The following PTPRN2 variants were observed in gnomAD, a reference collection of about 807,000 sequenced individuals.
PTPRN2 encodes receptor-type tyrosine-protein phosphatase N2.
Under a neutral mutation model 118.8 loss-of-function variants are expected in PTPRN2, and 74 were observed. That is an observed-to-expected ratio of 0.62 (90% CI 0.52 to 0.76). The LOEUF is 0.76. Among genes scored for constraint, PTPRN2 ranks in the 30% least tolerant of loss-of-function variants. The pLI is 0.00. For synonymous variants in PTPRN2, 641 were observed against 608.0 expected (o/e 1.05, Z -0.80); for missense variants, 1,481 against 1,394.4 (o/e 1.06, Z -0.99).
chr7:157,631,853 G>C (rs1461212264), intron 14 of PTPRN2, among the ~76,000 whole-genome samples: 1 of 150,884 alleles, frequency 6.6e-6, no homozygotes, highest in East Asian at 1.9e-4. Context: ...AAAAAAGAGA[G>C]AATTAAGAAT....
chr7:157,715,272 C>T (rs1473196647), intron 12 of PTPRN2, among the ~76,000 whole-genome samples: 1 of 152,150 alleles, frequency 6.6e-6, no homozygotes, highest in African/African-American at 2.4e-5. Flanking sequence ...TGAATGAGGC[C>T]CAGGGAGTGT....
At chr7:158,113,772 G>A (rs1182390962) in intron 9 of PTPRN2, among the ~76,000 whole-genome samples, 2 of 135,980 alleles carry the variant, frequency 1.5e-5, no homozygotes, top group Non-Finnish European at 3.5e-5. Context: ...TGATGGCGTC[G>A]ACGCTACAAG....
intron 5 of PTPRN2, among the ~76,000 whole-genome samples, chr7:158,168,632 G>T (rs1823248448): frequency 6.6e-6 from 1 of 152,200 alleles, no homozygotes; most frequent in Non-Finnish European, 1.5e-5. Context: ...GTGTGCTGCA[G>T]CAGGGAAGAT....
rs184146179 is a variant in PTPRN2 at position 158,125,246 on chromosome 7, C to T, written c.1556+8431G>A. The stretch of plus-strand genomic sequence containing the variant: ...CAGGGCTGCCCCCCTGTCTCGAGTC[C>T]CTCCCAGGGCCACCTCCCTGCCTCA... On this transcript the variant is annotated intron_variant, in intron 9 of 22. Transcript: ENST00000389418. 6.0e-4 allele frequency among the ~76,000 whole-genome samples: 90 copies of T among 150,674 alleles called. 1 individual carries two copies. In the East Asian group the frequency reaches 0.017, roughly 28 times the overall value.
intron 1 of PTPRN2, 40 bp downstream of exon 1, chr7:158,587,518 A>G: frequency 1.0e-6 from 1 of 991,700 alleles, no homozygotes; most frequent in South Asian, 3.9e-5. Flanking sequence ...GCCCCCAACT[A>G]ATTCATTGAG....
chr7:157,735,889 G>C (rs559862682), intron 12 of PTPRN2, among the ~76,000 whole-genome samples: 1 of 152,174 alleles, frequency 6.6e-6, no homozygotes, highest in East Asian at 1.9e-4. Context: ...GATAGCGATC[G>C]GCACATGCCT....
intron 9 of PTPRN2, among the ~76,000 whole-genome samples, chr7:158,131,332 T>TACAC (rs56215574): frequency 0.66 from 97,715 of 147,456 alleles, 33,483 homozygotes; most frequent in African/African-American, 0.82. Context: ...TACACACTCA[T>TACAC]ACACATGCAC....
chr7:158,171,750 A>G (rs541221308), intron 5 of PTPRN2, among the ~76,000 whole-genome samples: 1 of 152,278 alleles, frequency 6.6e-6, no homozygotes, highest in Non-Finnish European at 1.5e-5. Flanking sequence ...TCTGAGTTTA[A>G]AATTCTGTGA....
chr7:158,531,533 A>T (rs751218414), intron 1 of PTPRN2, among the ~76,000 whole-genome samples: 3 of 152,244 alleles, frequency 2.0e-5, no homozygotes, highest in Non-Finnish European at 4.4e-5. Context: ...TGGGGAAGGC[A>T]CCATGAGGCC....
intron 12 of PTPRN2, among the ~76,000 whole-genome samples, chr7:157,890,862 C>T (rs537625188): frequency 6.6e-6 from 1 of 152,308 alleles, no homozygotes; most frequent in Admixed American, 6.5e-5. Context: ...TTCTTCCAGC[C>T]AAGAGCCTCA....
chr7:157,750,263 A>G (rs1051961820), intron 12 of PTPRN2, among the ~76,000 whole-genome samples: 7 of 152,182 alleles, frequency 4.6e-5, no homozygotes, highest in Non-Finnish European at 7.4e-5. Flanking sequence ...AGCCCTACCA[A>G]TGTTCTTTCT....
intron 11 of PTPRN2, among the ~76,000 whole-genome samples, chr7:158,065,016 A>G (rs1468788871): frequency 6.6e-6 from 1 of 152,260 alleles, no homozygotes; most frequent in Non-Finnish European, 1.5e-5. Context: ...AGGGGAAGAA[A>G]GGCAGAAAGA....
chr7:157,795,429 T>G (rs1301536620), intron 12 of PTPRN2, among the ~76,000 whole-genome samples: 2 of 152,258 alleles, frequency 1.3e-5, no homozygotes, highest in African/African-American at 4.8e-5. Context: ...CCCAGGGGGC[T>G]GAGGCTGGGA....
At chr7:157,586,222 A>C (rs1800666408) in intron 17 of PTPRN2, among the ~76,000 whole-genome samples, 1 of 152,224 alleles carries the variant, frequency 6.6e-6, no homozygotes, top group Admixed American at 6.5e-5. Context: ...AAGAATTAAC[A>C]CAACTCTCAT....
rs539839766 is a variant in PTPRN2, at chr7:157,779,057, G to A, written c.1789-96120C>T. On this transcript the variant is annotated intron_variant, in intron 12 of 22. Coordinates refer to ENST00000389418, the MANE Select transcript of PTPRN2 (RefSeq NM_002847.5). The surrounding 1 kb of genome is among the most constrained non-coding windows in gnomAD (Gnocchi z 4.7). ...GCCGTGTTCTCTGAGGGGTTGTGCCGGGGTCTTCAGACAGTGCCCTCCCTG... is the reference window on the plus strand; with the variant it reads ...GCCGTGTTCTCTGAGGGGTTGTGCCAGGGTCTTCAGACAGTGCCCTCCCTG... 3.9e-4 allele frequency among the ~76,000 whole-genome samples: 59 copies of A among 152,328 alleles called. No homozygotes were observed. Among genetic ancestry groups the A allele is most frequent in the African/African-American group, 1.3e-3 (55 of 41,588 alleles).
In PTPRN2 at chr7:157,629,203, G is replaced by C. The variant is rs1304143348; in HGVS notation, c.2197-7694C>G. On this transcript the variant is annotated intron_variant, in intron 14 of 22. Coordinates refer to ENST00000389418, the MANE Select transcript of PTPRN2 (RefSeq NM_002847.5). This position sits in a 1 kb window ranked among gnomAD's most constrained non-coding sequence, Gnocchi z 4.4. ...CCACAGGCACTGGGATCCTGGGTCA[G>C]CCAATGCTGATTCACCTGTTCCTGC... Among the ~76,000 whole-genome samples, 1 of 152,132 alleles carries C rather than the reference G, an allele frequency of 6.6e-6. No individual in the cohort carries two copies. The highest frequency in any genetic ancestry group is 2.4e-5 in the African/African-American group (1 of 41,422).
At chr7:157,919,445 A>G (rs1798583825) in intron 11 of PTPRN2, among the ~76,000 whole-genome samples, 1 of 152,230 alleles carries the variant, frequency 6.6e-6, no homozygotes, top group South Asian at 2.1e-4. Flanking sequence ...GAGAGCTTCC[A>G]TGATGATAAG....
intron 11 of PTPRN2, chr7:158,030,622 G>T (rs144240760): frequency 6.6e-6 from 1 of 152,392 alleles, no homozygotes; most frequent in East Asian, 1.9e-4. Flanking sequence ...GAATTCCCGA[G>T]AACACCTGGT....
intron 11 of PTPRN2, among the ~76,000 whole-genome samples, chr7:157,906,687 T>C (rs1227625775): frequency 1.3e-5 from 2 of 151,962 alleles, no homozygotes. Flanking sequence ...TCTCACTCAC[T>C]ACTGTGCACT....
Sources: allele counts gnomAD v4.1 joint callset (sites outside exome capture counted in the v4.1 genomes callset), GRCh38; gene constraint gnomAD v4.1.1; non-coding constraint Gnocchi (gnomAD v3.1); transcripts MANE v1.5; gene names NCBI Gene and HGNC (gene_info 2026-07-23, HGNC 2026-07-21).